TRIM42: variants seen among roughly 807,000 people sequenced by gnomAD.
TRIM42 encodes the protein tripartite motif-containing protein 42.
A neutral mutation model predicts 64.9 loss-of-function variants in TRIM42; 59 were observed. The observed-to-expected ratio is 0.91, with a 90% confidence interval of 0.74 to 1.13. The LOEUF is 1.13. Among genes scored for constraint, TRIM42 ranks in the 50% most tolerant of loss-of-function variants. The pLI is 0.00. For missense variants in TRIM42, 878 were observed against 929.5 expected (o/e 0.94, Z 0.72); for synonymous variants, 354 against 346.3 (o/e 1.02, Z -0.25).
intron 1 of TRIM42, among the ~76,000 whole-genome samples, chr3:140,681,454 T>TA (rs1451446585): frequency 1.3e-5 from 2 of 152,152 alleles, no homozygotes; most frequent in Non-Finnish European, 1.5e-5. Flanking sequence ...GAGAGAGGTT[T>TA]AAAAAAACAT....
At chr3:140,694,642 T>C (rs536946795) in intron 4 of TRIM42, among the ~76,000 whole-genome samples, 41 of 152,350 alleles carry the variant, frequency 2.7e-4, no homozygotes, top group South Asian at 8.3e-4. Context: ...GTTTAAATAA[T>C]ACAAATTATT....
intron 4 of TRIM42, among the ~76,000 whole-genome samples, chr3:140,691,808 T>C (rs141649408): frequency 2.6e-5 from 4 of 152,310 alleles, no homozygotes; most frequent in African/African-American, 9.6e-5. Flanking sequence ...CTCTTCTTTA[T>C]ATCTCCAGGG....
At chr3:140,680,080 G>C (rs192994786) in intron 1 of TRIM42, among the ~76,000 whole-genome samples, 107 of 152,172 alleles carry the variant, frequency 7.0e-4, no homozygotes, top group African/African-American at 2.5e-3. Flanking sequence ...AGACAGAGGG[G>C]GCTGTGCAGA....
intron 2 of TRIM42, among the ~76,000 whole-genome samples, chr3:140,686,923 G>C (rs1467424485): frequency 6.6e-6 from 1 of 152,088 alleles, no homozygotes; most frequent in Non-Finnish European, 1.5e-5. Flanking sequence ...TAGTATCTTT[G>C]GATTTATTCA....
At chr3:140,696,114 C>G (rs1395664506) in intron 4 of TRIM42, among the ~76,000 whole-genome samples, 2 of 152,124 alleles carry the variant, frequency 1.3e-5, no homozygotes, top group Non-Finnish European at 2.9e-5. Flanking sequence ...CAGTCATGGT[C>G]CATCATTAGC....
rs1001217007 is a variant in TRIM42, at chr3:140,678,168, C to A, written c.-62C>A. On this transcript the variant is annotated 5_prime_UTR_variant, in exon 1 of 5. Coordinates refer to ENST00000286349, the MANE Select transcript of TRIM42 (RefSeq NM_152616.5). Reference sequence around the variant, plus strand: ...GACTCCTCCACTGGAGAACTGATAGCAGTATTCTGGTAGAGGAGGCATCAA... The same window carrying A: ...GACTCCTCCACTGGAGAACTGATAGAAGTATTCTGGTAGAGGAGGCATCAA... 8 of 1,417,760 alleles carry A rather than the reference C, an allele frequency of 5.6e-6. No homozygotes were observed. In the Admixed American group the frequency reaches 8.7e-5, roughly 15 times the overall value. 87.8% of individuals were successfully genotyped at this position (1,417,760 alleles called of 1,614,324 possible).
Position 140,687,860 on chromosome 3 carries a change from T to A in TRIM42, c.1178T>A (p.Ile393Asn). 1 of 1,614,148 alleles carries A rather than the reference T, an allele frequency of 6.2e-7. No individual in the cohort carries two copies. Among genetic ancestry groups the A allele is most frequent in the Non-Finnish European group, 8.5e-7 (1 of 1,180,034 alleles). Residue 393 changes from isoleucine to asparagine, a missense_variant, in exon 3 of 5, where the codon ATC becomes AAC. Physicochemically the swap from Ile to Asn is moderately radical, Grantham distance 149. Transcript: ENST00000286349. ...AGCATTCTTCAGGAGAAAGAGAAGATCATCATGGAGCAGATAGAGAATCTA... is the reference window on the plus strand; with the variant it reads ...AGCATTCTTCAGGAGAAAGAGAAGAACATCATGGAGCAGATAGAGAATCTA... ...LRSILQEKEK[I>N]IMEQIENLEV...
intron 4 of TRIM42, 148 bp downstream of exon 4, chr3:140,691,340 G>A (rs1242536180): frequency 2.8e-6 from 2 of 702,436 alleles, no homozygotes; most frequent in African/African-American, 1.8e-5. Flanking sequence ...GCCAAAGAGA[G>A]GGCTGCTGGC....
chr3:140,690,433 T>C (rs1988673915), intron 3 of TRIM42, among the ~76,000 whole-genome samples: 1 of 150,784 alleles, frequency 6.6e-6, no homozygotes, highest in Non-Finnish European at 1.5e-5. Context: ...GGGAGAAATT[T>C]CAAAGATGGT....
Position 140,688,244 on chromosome 3 carries a change from C to T in TRIM42, c.1562C>T (p.Thr521Ile). The T allele has an allele frequency of 6.2e-7, 1 of 1,614,232 alleles. No homozygotes were observed. Among genetic ancestry groups the T allele is most frequent in the Non-Finnish European group, 8.5e-7 (1 of 1,180,052 alleles). The change falls in exon 3 of 5, where the codon ACT (threonine) becomes ATT (isoleucine). Residue 521 changes from threonine to isoleucine, a missense_variant. Coordinates refer to ENST00000286349, the MANE Select transcript of TRIM42 (RefSeq NM_152616.5). ...GAAACAATGATTGCCAGGAAGGTCACTTTCAGCACCCACAGCCTCGGCAAC... is the reference window on the plus strand; with the variant it reads ...GAAACAATGATTGCCAGGAAGGTCATTTTCAGCACCCACAGCCTCGGCAAC... ...HSETMIARKV[T>I]FSTHSLGNQH...
At chr3:140,698,321 T>A (rs1322802256) in intron 4 of TRIM42, among the ~76,000 whole-genome samples, 1 of 152,246 alleles carries the variant, frequency 6.6e-6, no homozygotes, top group Non-Finnish European at 1.5e-5. Context: ...TTTTGTAATA[T>A]GTTTGAACAT....
At chr3:140,683,493 T>C (rs1469687002) in intron 2 of TRIM42, among the ~76,000 whole-genome samples, 3 of 152,236 alleles carry the variant, frequency 2.0e-5, no homozygotes, top group African/African-American at 7.2e-5. Flanking sequence ...GATTCTATAA[T>C]CTTGATTATA....
intron 1 of TRIM42, chr3:140,680,735 G>C: frequency 2.0e-6 from 2 of 984,716 alleles, no homozygotes; most frequent in Non-Finnish European, 2.4e-6. Flanking sequence ...AGGCCAGCAT[G>C]CCTAGAGCTC....
At chr3:140,689,285 CA>C (rs1988647004) in intron 3 of TRIM42, among the ~76,000 whole-genome samples, 1 of 152,194 alleles carries the variant, frequency 6.6e-6, no homozygotes, top group South Asian at 2.1e-4. Flanking sequence ...AAAAAATTAA[CA>C]TGCAACTAAA....
Position 140,682,822 on chromosome 3 carries a change from G to A in TRIM42, c.702G>A (p.Gly234=), listed in dbSNP as rs1376333503. 1 of 1,614,050 alleles carries A rather than the reference G, an allele frequency of 6.2e-7. No homozygotes were observed. Residue 234 remains glycine (G), a synonymous_variant, in exon 2 of 5, where the codon GGG becomes GGA. Transcript: ENST00000286349. The part of the protein sequence containing the change: ...YLKWRFDRSS[G]PILCQVCRNK... ...AGTGGCGCTTTGACCGCTCCTCCGG[G>A]CCCATCCTCTGCCAGGTCTGCCGCA...
At chr3:140,682,356 C>A in intron 1 of TRIM42, 106 bp from the exon 2 acceptor site, 1 of 1,125,160 alleles carries the variant, frequency 8.9e-7, no homozygotes, top group Non-Finnish European at 1.3e-6. Flanking sequence ...CTCCTCACCA[C>A]CACACTAGAC....
chr3:140,682,454 C>T lies in TRIM42; in HGVS notation c.342-8C>T. 2 of 1,607,006 alleles carry T rather than the reference C, an allele frequency of 1.2e-6. No individual in the cohort carries two copies. Among genetic ancestry groups the T allele is most frequent in the Middle Eastern group, 1.7e-4 (1 of 6,034 alleles). The stretch of plus-strand genomic sequence containing the variant: ...CTCCTGAAACCCTGCCTTTGCTTCT[C>T]CTTTCAGCTCCAAGACTGCCCTGCG... On this transcript the variant is annotated splice_region_variant and splice_polypyrimidine_tract_variant and intron_variant, in intron 1 of 4. Transcript: ENST00000286349.
chr3:140,679,378 C>T (rs940373382), intron 1 of TRIM42, among the ~76,000 whole-genome samples: 2 of 152,122 alleles, frequency 1.3e-5, no homozygotes, highest in Non-Finnish European at 2.9e-5. Flanking sequence ...TTTTATGTCA[C>T]ACATGAGGGG....
At position 140,687,999 on chromosome 3, in the gene TRIM42, G is replaced by A. The variant is rs1988594226; in HGVS notation, c.1317G>A (p.Gln439=). The A allele has an allele frequency of 1.2e-6, 2 of 1,614,090 alleles. No homozygotes were observed. The highest frequency in any genetic ancestry group is 1.1e-5 in the South Asian group (1 of 91,084). Residue 439 remains glutamine, a synonymous_variant, in exon 3 of 5, where the codon CAG becomes CAA. Coordinates refer to ENST00000286349, the MANE Select transcript of TRIM42 (RefSeq NM_152616.5). ...YSKEALKETG[Q]VAFLQSAKIL... is the part of the protein sequence containing the mutation. Reference sequence around the variant, plus strand: ...AGGAAGCCCTGAAGGAGACTGGCCAGGTGGCATTCCTGCAGTCAGCCAAGA... The same window carrying A: ...AGGAAGCCCTGAAGGAGACTGGCCAAGTGGCATTCCTGCAGTCAGCCAAGA...
Sources: gnomAD v4.1 joint callset for allele counts (sites outside exome capture counted in the v4.1 genomes callset) on GRCh38, gnomAD v4.1.1 for gene constraint, MANE v1.5 for transcripts, NCBI Gene and HGNC (gene_info 2026-07-23, HGNC 2026-07-21) for gene names.